The following OR10J1 variants were observed in gnomAD, a reference collection of about 807,000 sequenced individuals.
The protein encoded by OR10J1 is olfactory receptor 10J1.
For synonymous variants in OR10J1, 202 were observed against 143.8 expected, an observed-to-expected ratio of 1.40 and a Z score of -2.89; for missense variants, 474 against 376.6, an observed-to-expected ratio of 1.26 and a Z score of -2.14.
chr1:159,431,949 T>C, the OR10J1 span, among the ~76,000 whole-genome samples: 1 of 152,168 alleles, frequency 6.6e-6, no homozygotes, highest in African/African-American at 2.4e-5. Context: ...TTGAAGGGCA[T>C]CTGTACTCCC....
At chr1:159,412,293 C>T in the OR10J1 span, among the ~76,000 whole-genome samples, 2 of 151,098 alleles carry the variant, frequency 1.3e-5, no homozygotes, top group Non-Finnish European at 2.9e-5. Context: ...ATGCCATCCC[C>T]ATCAAGCTAC....
chr1:159,439,631 A>G (rs894883402), upstream of OR10J1: 2 of 815,716 alleles, frequency 2.5e-6, no homozygotes, highest in Non-Finnish European at 3.9e-6. Flanking sequence ...TTAAGTAAAG[A>G]TAAGTAAACC....
chr1:159,405,523 A>C, the OR10J1 span: 2 of 305,136 alleles, frequency 6.6e-6, no homozygotes, highest in Non-Finnish European at 1.4e-5. Context: ...AGAGTTCAGC[A>C]GGGGAGTGAT....
upstream of OR10J1, among the ~76,000 whole-genome samples, chr1:159,435,593 G>A (rs1054340704): frequency 5.3e-5 from 8 of 152,166 alleles, no homozygotes; most frequent in Non-Finnish European, 8.8e-5. Flanking sequence ...CCAGCTCTAG[G>A]TGACAGAAAT....
chr1:159,410,559 T>C, the OR10J1 span, among the ~76,000 whole-genome samples: 28 of 152,114 alleles, frequency 1.8e-4, no homozygotes, highest in Non-Finnish European at 3.2e-4. Context: ...CTTGATCTTT[T>C]TTTATTGCAT....
the OR10J1 span, among the ~76,000 whole-genome samples, chr1:159,427,651 C>T: frequency 2.6e-5 from 4 of 152,000 alleles, no homozygotes; most frequent in East Asian, 7.7e-4. Context: ...TAGTGAAAAA[C>T]CTACTCTTTC....
chr1:159,399,345 G>A, the OR10J1 span, among the ~76,000 whole-genome samples: 3 of 152,034 alleles, frequency 2.0e-5, no homozygotes, highest in Non-Finnish European at 1.5e-5. Flanking sequence ...GCTGAGGCGG[G>A]CAGATCACAA....
At chr1:159,410,307 G>A in the OR10J1 span, among the ~76,000 whole-genome samples, 15 of 152,064 alleles carry the variant, frequency 9.9e-5, no homozygotes, top group African/African-American at 1.9e-4. Flanking sequence ...GGTAGAATTT[G>A]GCTGTGAATC....
chr1:159,427,154 C>T, the OR10J1 span, among the ~76,000 whole-genome samples: 5 of 151,646 alleles, frequency 3.3e-5, no homozygotes, highest in Non-Finnish European at 7.4e-5. Context: ...TATACTACTA[C>T]GGCTTCACAA....
At chr1:159,423,888 A>G in the OR10J1 span, among the ~76,000 whole-genome samples, 3 of 152,172 alleles carry the variant, frequency 2.0e-5, no homozygotes, top group African/African-American at 7.2e-5. Flanking sequence ...CAATTGGCTT[A>G]TTAGAGCTTT....
chr1:159,413,847 A>C, the OR10J1 span, among the ~76,000 whole-genome samples: 6,287 of 151,568 alleles, frequency 0.041, 415 homozygotes, highest in African/African-American at 0.14. Context: ...AATAATAATA[A>C]AATAAAATAA....
rs575302726 is a variant in OR10J1, at chr1:159,440,167, A to T, written c.376A>T (p.Ile126Phe). 2 of 1,614,162 alleles carry T rather than the reference A, an allele frequency of 1.2e-6. No homozygotes were observed. The change falls in exon 1 of 1, where the codon ATC (isoleucine) becomes TTC (phenylalanine). Residue 126 changes from isoleucine (I) to phenylalanine (F), a missense_variant. Transcript: ENST00000423932. ...AATGGGATATGACCGCTATGTGGCC[A>T]TCTGCAACCCCCTGAGATACATGGT... ...TAMGYDRYVA[I>F]CNPLRYMVIM... is the part of the protein sequence containing the mutation.
upstream of OR10J1, chr1:159,438,124 C>T (rs1655792605): frequency 1.3e-5 from 2 of 152,162 alleles, no homozygotes; most frequent in Non-Finnish European, 1.5e-5. Flanking sequence ...TATTTCAGGT[C>T]CTATCACAGC....
chr1:159,409,416 T>C, the OR10J1 span, among the ~76,000 whole-genome samples: 3 of 151,298 alleles, frequency 2.0e-5, no homozygotes, highest in African/African-American at 7.4e-5. Context: ...AATTCCACTT[T>C]CTTTTTAATT....
At chr1:159,413,338 G>A in the OR10J1 span, among the ~76,000 whole-genome samples, 3 of 151,704 alleles carry the variant, frequency 2.0e-5, no homozygotes, top group African/African-American at 7.3e-5. Context: ...CCCATTACTG[G>A]GTATATACCC....
At chr1:159,412,464 G>T in the OR10J1 span, among the ~76,000 whole-genome samples, 2 of 148,832 alleles carry the variant, frequency 1.3e-5, no homozygotes, top group African/African-American at 2.5e-5. Flanking sequence ...AACCAAAACA[G>T]CATGGTACTG....
the OR10J1 span, among the ~76,000 whole-genome samples, chr1:159,404,635 G>T: frequency 6.6e-6 from 1 of 152,068 alleles, no homozygotes; most frequent in Non-Finnish European, 1.5e-5. Flanking sequence ...AGCCTTGCCT[G>T]TACTATCCAA....
Position 159,440,560 on chromosome 1 carries a change from G to C in OR10J1, c.769G>C (p.Ala257Pro), listed in dbSNP as rs1189062092. 6.2e-7 allele frequency: 1 copy of C among 1,613,686 alleles called. No individual in the cohort carries two copies. Among genetic ancestry groups the C allele is most frequent in the East Asian group, 2.2e-5 (1 of 44,870 alleles). The change falls in exon 1 of 1, where the codon GCC (alanine) becomes CCC (proline). Residue 257 changes from alanine to proline, a missense_variant. Coordinates refer to ENST00000423932, the MANE Select transcript of OR10J1 (RefSeq NM_012351.3). ...TGTCCACTACAGCTGTGCCTCCATTGCCTACCTCAAGCCCAAGTCAGAGAA... is the reference window on the plus strand; with the variant it reads ...TGTCCACTACAGCTGTGCCTCCATTCCCTACCTCAAGCCCAAGTCAGAGAA... The part of the protein sequence containing the change: ...VIVHYSCASI[A>P]YLKPKSENTR...
the OR10J1 span, among the ~76,000 whole-genome samples, chr1:159,417,849 C>A: frequency 6.6e-6 from 1 of 152,168 alleles, no homozygotes; most frequent in African/African-American, 2.4e-5. Context: ...TACCAAAATT[C>A]TTATAATGAT....
Sources: allele counts gnomAD v4.1 joint callset (sites outside exome capture counted in the v4.1 genomes callset), GRCh38; gene constraint gnomAD v4.1.1; transcripts MANE v1.5; gene names NCBI Gene and HGNC (gene_info 2026-07-23, HGNC 2026-07-21).